Variants in ANO5 observed in about 807,000 individuals in gnomAD.
ANO5 encodes anoctamin-5.
Under a neutral mutation model 121.0 loss-of-function variants are expected in ANO5, and 109 were observed. The ratio of observed to expected loss-of-function variants is 0.90; its 90% CI spans 0.77 to 1.06. ANO5 has a LOEUF of 1.06. Among genes scored for constraint, ANO5 ranks in the 50% least tolerant of loss-of-function variants. The pLI, the probability that ANO5 is intolerant of heterozygous loss-of-function variation, is 0.00. For synonymous variants in ANO5, 406 were observed against 359.9 expected (o/e 1.13, Z -1.45); for missense variants, 1,064 against 1,078.5 (o/e 0.99, Z 0.19).
At chr11:22,235,254 A>AAG (rs914298885) in intron 7 of ANO5, among the ~76,000 whole-genome samples, 1 of 152,062 alleles carries the variant, frequency 6.6e-6, no homozygotes, top group Non-Finnish European at 1.5e-5. Flanking sequence ...TTAACATCCC[A>AAG]AGAGAGAGTT....
rs965405376 is a variant in ANO5 at position 22,272,657 on chromosome 11, A to G, written c.2030-127A>G. On this transcript the variant is annotated intron_variant, in intron 18 of 21. Coordinates refer to ENST00000324559, the MANE Select transcript of ANO5 (RefSeq NM_213599.3). Reference sequence around the variant, plus strand: ...GGTAGAGGAGGAACTGGACAGACGGATGGAAGCCTGGATTGTCGTATTCGT... The same window carrying G: ...GGTAGAGGAGGAACTGGACAGACGGGTGGAAGCCTGGATTGTCGTATTCGT... 4 of 865,032 alleles carry G rather than the reference A, an allele frequency of 4.6e-6. No individual in the cohort carries two copies. In the African/African-American group the frequency reaches 5.0e-5, roughly 11 times the overall value. 53.6% of individuals were successfully genotyped at this position (865,032 alleles called of 1,614,324 possible).
intron 18 of ANO5, 49 bp downstream of exon 18, chr11:22,270,491 G>GT (rs1564949540): frequency 1.2e-6 from 2 of 1,608,578 alleles, no homozygotes; most frequent in Admixed American, 3.3e-5. Flanking sequence ...TGAATGAGTG[G>GT]TTTTTCAGCT....
At chr11:22,227,157 C>T in intron 6 of ANO5, 145 bp from the exon 7 acceptor site, 1 of 1,059,670 alleles carries the variant, frequency 9.4e-7, no homozygotes, top group Non-Finnish European at 1.4e-6. Flanking sequence ...ATTTTGTTTT[C>T]TCAAAGTTTT....
Position 22,250,946 on chromosome 11 carries a change from T to C in ANO5, c.1120-5T>C, listed in dbSNP as rs199558382. 1.9e-6 allele frequency: 3 copies of C among 1,612,352 alleles called. No individual in the cohort carries two copies. The highest frequency in any genetic ancestry group is 1.7e-5 in the Admixed American group (1 of 59,988). On this transcript the variant is annotated splice_polypyrimidine_tract_variant and splice_region_variant and intron_variant, in intron 11 of 21. Transcript: ENST00000324559. Reference sequence around the variant, plus strand: ...TTTGTGATATTGTTATTGTTATTTTTACAGTTCTCCCATTTGTTTGATAAT... The same window carrying C: ...TTTGTGATATTGTTATTGTTATTTTCACAGTTCTCCCATTTGTTTGATAAT...
intron 5 of ANO5, among the ~76,000 whole-genome samples, chr11:22,224,389 A>G (rs535514983): frequency 3.3e-5 from 5 of 152,222 alleles, no homozygotes; most frequent in Admixed American, 6.6e-5. Context: ...ACACAGGCCA[A>G]TGAAATAGAA....
intron 7 of ANO5, among the ~76,000 whole-genome samples, chr11:22,228,026 T>C (rs1332538676): frequency 6.6e-6 from 1 of 152,138 alleles, no homozygotes; most frequent in Admixed American, 6.6e-5. Context: ...CTCAAAACTT[T>C]TTTTTCCCTT....
intron 2 of ANO5, among the ~76,000 whole-genome samples, chr11:22,207,510 T>C (rs1483111852): frequency 6.6e-6 from 1 of 152,134 alleles, no homozygotes; most frequent in East Asian, 1.9e-4. Flanking sequence ...TTATAACTTA[T>C]ACAAAATTAA....
In ANO5 at chr11:22,279,714, G is replaced by A. The variant is rs2133811453; in HGVS notation, c.2691G>A (p.Lys897=). ...GAATTAATTCTAATGAATTTGCCAA[G>A]CATGTCATGATTGAGGAAAACAAAG... is the stretch of plus-strand genomic sequence containing the variant. ...NLGINSNEFA[K]HVMIEENKAQ... Residue 897 remains lysine, a synonymous_variant, in exon 22 of 22, where the codon AAG becomes AAA. Coordinates refer to ENST00000324559, the MANE Select transcript of ANO5 (RefSeq NM_213599.3). 6.2e-7 allele frequency: 1 copy of A among 1,612,828 alleles called. No individual in the cohort carries two copies. Among genetic ancestry groups the A allele is most frequent in the Non-Finnish European group, 8.5e-7 (1 of 1,179,172 alleles).
intron 9 of ANO5, 84 bp from the exon 10 acceptor site, chr11:22,250,153 T>C: frequency 7.6e-7 from 1 of 1,320,102 alleles, no homozygotes; most frequent in African/African-American, 1.5e-5. Context: ...AAAATTAGAA[T>C]ATATGCCTGT....
In ANO5 at chr11:22,281,279, G is replaced by C. The variant is rs556807185; in HGVS notation, c.*1514G>C. The C allele has an allele frequency of 1.2e-4, 18 of 152,040 alleles. No homozygotes were observed. Among genetic ancestry groups the C allele is most frequent in the African/African-American group, 3.9e-4 (16 of 41,510 alleles). 9.4% of individuals were successfully genotyped at this position (152,040 alleles called of 1,614,324 possible). A position where few individuals can be genotyped will look rare whatever the true frequency, so the allele number is the denominator to read the frequency against. ...CATTATCTAATGCTAATAAATTATT[G>C]TGGTACTGCCAGTATTAAATATATG... On this transcript the variant is annotated 3_prime_UTR_variant, in exon 22 of 22. Coordinates refer to ENST00000324559, the MANE Select transcript of ANO5 (RefSeq NM_213599.3).
intron 9 of ANO5, among the ~76,000 whole-genome samples, chr11:22,249,017 T>G (rs1853712461): frequency 6.6e-6 from 1 of 152,138 alleles, no homozygotes; most frequent in East Asian, 1.9e-4. Context: ...TCACTCTGAG[T>G]AAGCTAAGGA....
chr11:22,240,957 A>G (rs1348175261), intron 9 of ANO5, among the ~76,000 whole-genome samples: 1 of 152,058 alleles, frequency 6.6e-6, no homozygotes, highest in Non-Finnish European at 1.5e-5. Flanking sequence ...ATGCCTTATT[A>G]TAAATTTTTC....
rs80139366 is a variant in ANO5, at chr11:22,277,008, A to G, written c.2520+809A>G. Among the ~76,000 whole-genome samples, 635 of 151,738 alleles carry G rather than the reference A, an allele frequency of 4.2e-3. 11 individuals carry two copies. The highest frequency in any genetic ancestry group is 0.015 in the African/African-American group (623 of 41,406). On this transcript the variant is annotated intron_variant, in intron 21 of 21. Coordinates refer to ENST00000324559, the MANE Select transcript of ANO5 (RefSeq NM_213599.3). ...AAAAAACAAAAGAGCAATCGTACAT[A>G]ATATACCTGCCTACCCTAAAATCCT...
At chr11:22,222,246 A>G (rs1228410296) in intron 5 of ANO5, among the ~76,000 whole-genome samples, 1 of 151,900 alleles carries the variant, frequency 6.6e-6, no homozygotes, top group Non-Finnish European at 1.5e-5. Flanking sequence ...TTTGTCATTT[A>G]TCTTTCTCTG....
chr11:22,257,985 G>A (rs1001432168), intron 14 of ANO5, among the ~76,000 whole-genome samples: 7 of 152,090 alleles, frequency 4.6e-5, no homozygotes, highest in East Asian at 1.9e-4. Context: ...CTTAAAGCCC[G>A]TCCCTCCCTG....
intron 13 of ANO5, among the ~76,000 whole-genome samples, chr11:22,257,385 T>C (rs2133729516): frequency 6.6e-6 from 1 of 152,322 alleles, no homozygotes; most frequent in African/African-American, 2.4e-5. Context: ...ACCTTCATTA[T>C]TCATTATTTG....
In ANO5 at chr11:22,272,874, T is replaced by C; in HGVS notation, c.2120T>C (p.Val707Ala). Residue 707 changes from valine to alanine, a missense_variant, in exon 19 of 22, where the codon GTG (valine) becomes GCG (alanine). Val to Ala is a moderately conservative substitution (Grantham distance 64). Coordinates refer to ENST00000324559, the MANE Select transcript of ANO5 (RefSeq NM_213599.3). ...ATAAATAATATTGTAGAGATTCGAG[T>C]GGATGCCTGGAAACTTACCACTCAA... ...ALINNIVEIR[V>A]DAWKLTTQYR... is the part of the protein sequence containing the mutation. 6.2e-7 allele frequency: 1 copy of C among 1,614,056 alleles called. No homozygotes were observed. Among genetic ancestry groups the C allele is most frequent in the Non-Finnish European group, 8.5e-7 (1 of 1,179,976 alleles).
intron 10 of ANO5, 136 bp from the exon 11 acceptor site, chr11:22,250,605 C>T (rs1853779654): frequency 9.6e-7 from 1 of 1,040,864 alleles, no homozygotes; most frequent in East Asian, 2.6e-5. Flanking sequence ...TGACTTGACC[C>T]ACTATAGAAA....
chr11:22,251,297 G>C (rs1301444012), intron 12 of ANO5, among the ~76,000 whole-genome samples: 1 of 152,104 alleles, frequency 6.6e-6, no homozygotes, highest in Non-Finnish European at 1.5e-5. Context: ...TTAAAAACAG[G>C]CTCAAAAAAT....
Sources: gnomAD v4.1 joint callset for allele counts (sites outside exome capture counted in the v4.1 genomes callset) on GRCh38, gnomAD v4.1.1 for gene constraint, MANE v1.5 for transcripts, NCBI Gene and HGNC (gene_info 2026-07-23, HGNC 2026-07-21) for gene names.